Variants in GABRB1 observed in about 807,000 individuals in gnomAD.
GABRB1 encodes the protein gamma-aminobutyric acid type A receptor subunit beta1.
Under a neutral mutation model 51.6 loss-of-function variants are expected in GABRB1, and 17 were observed. The ratio of observed to expected loss-of-function variants is 0.33; its 90% CI spans 0.23 to 0.49. The LOEUF is 0.49. Among genes scored for constraint, GABRB1 ranks in the 20% least tolerant of loss-of-function variants. The pLI, the probability that GABRB1 is intolerant of heterozygous loss-of-function variation, is 0.99. For synonymous variants in GABRB1, 247 were observed against 218.9 expected, an observed-to-expected ratio of 1.13 and a Z score of -1.14; for missense variants, 410 against 600.6, an observed-to-expected ratio of 0.68 and a Z score of 3.32.
chr4:47,094,759 AG>A (rs1403660572), intron 3 of GABRB1, among the ~76,000 whole-genome samples: 3 of 148,810 alleles, frequency 2.0e-5, no homozygotes, highest in Non-Finnish European at 4.4e-5. Context: ...ATGAACTTAA[AG>A]GTAAAAAAAA....
intron 4 of GABRB1, among the ~76,000 whole-genome samples, chr4:47,185,085 AT>A (rs1306943047): frequency 1.3e-5 from 2 of 151,822 alleles, no homozygotes; most frequent in Admixed American, 6.6e-5. Context: ...ATTTACTTCT[AT>A]TGTGCCTCAA....
chr4:47,282,614 T>C (rs577271379), intron 4 of GABRB1, among the ~76,000 whole-genome samples: 2 of 152,168 alleles, frequency 1.3e-5, no homozygotes, highest in Non-Finnish European at 2.9e-5. Context: ...GAGATACTTA[T>C]TAATGCTGGT....
At chr4:47,007,254 C>A (rs1014927222) in intron 1 of GABRB1, among the ~76,000 whole-genome samples, 1 of 152,044 alleles carries the variant, frequency 6.6e-6, no homozygotes, top group Non-Finnish European at 1.5e-5. Flanking sequence ...GCAAAGGATG[C>A]TTTATCTGTA....
At chr4:47,325,388 T>C (rs763443862) in intron 5 of GABRB1, among the ~76,000 whole-genome samples, 2 of 149,394 alleles carry the variant, frequency 1.3e-5, no homozygotes, top group African/African-American at 2.5e-5. Context: ...TGAGCTGAGA[T>C]GGCACCATTG....
chr4:47,282,574 C>A (rs1396900518), intron 4 of GABRB1, among the ~76,000 whole-genome samples: 2 of 151,478 alleles, frequency 1.3e-5, no homozygotes, highest in Non-Finnish European at 2.9e-5. Flanking sequence ...AAAAAAAAAA[C>A]AGTAATCTAG....
chr4:47,424,304 T>A (rs1294317675), intron 8 of GABRB1, among the ~76,000 whole-genome samples: 1 of 152,200 alleles, frequency 6.6e-6, no homozygotes, highest in Non-Finnish European at 1.5e-5. Context: ...ACGAGCCAGA[T>A]TGTTAACCGT....
intron 4 of GABRB1, among the ~76,000 whole-genome samples, chr4:47,239,372 A>C (rs2109846005): frequency 6.6e-6 from 1 of 152,186 alleles, no homozygotes. Flanking sequence ...CCTATTAGTG[A>C]ACTTCTTTGG....
chr4:47,231,006 G>T (rs1056912049), intron 4 of GABRB1, among the ~76,000 whole-genome samples: 1 of 152,104 alleles, frequency 6.6e-6, no homozygotes, highest in Non-Finnish European at 1.5e-5. Flanking sequence ...AGGTTTTAAG[G>T]TCTTCTACAC....
intron 3 of GABRB1, among the ~76,000 whole-genome samples, chr4:47,057,691 C>A (rs767276920): frequency 6.6e-5 from 10 of 152,216 alleles, no homozygotes; most frequent in Non-Finnish European, 1.5e-4. Flanking sequence ...ACATTTTCTC[C>A]TCATCTCTTA....
chr4:47,354,785 TG>T (rs764399166), intron 5 of GABRB1, among the ~76,000 whole-genome samples: 236 of 152,062 alleles, frequency 1.6e-3, no homozygotes, highest in Non-Finnish European at 2.6e-3. Context: ...ACTGCAAATT[TG>T]GGGCCTAATT....
intron 4 of GABRB1, among the ~76,000 whole-genome samples, chr4:47,222,367 T>G (rs1024337332): frequency 6.6e-5 from 10 of 152,188 alleles, no homozygotes; most frequent in Non-Finnish European, 4.4e-5. Context: ...CCTGCTTGCC[T>G]GTATTCCTAT....
intron 5 of GABRB1, among the ~76,000 whole-genome samples, chr4:47,347,419 C>G (rs1726142313): frequency 6.6e-6 from 1 of 152,092 alleles, no homozygotes; most frequent in Admixed American, 6.5e-5. Context: ...AAAACACTTT[C>G]TTGAACAGCA....
At chr4:47,200,765 C>T (rs1408200548) in intron 4 of GABRB1, among the ~76,000 whole-genome samples, 1 of 152,156 alleles carries the variant, frequency 6.6e-6, no homozygotes, top group Admixed American at 6.6e-5. Flanking sequence ...AAAGCCACAA[C>T]TTTAGCTCAT....
intron 4 of GABRB1, among the ~76,000 whole-genome samples, chr4:47,252,069 T>A (rs1298477375): frequency 1.3e-5 from 2 of 150,904 alleles, no homozygotes; most frequent in Non-Finnish European, 3.0e-5. Context: ...GGCTGTGGTG[T>A]TCCCGCCACC....
chr4:47,056,846 G>A (rs1560514608), intron 3 of GABRB1, among the ~76,000 whole-genome samples: 1 of 152,188 alleles, frequency 6.6e-6, no homozygotes, highest in Non-Finnish European at 1.5e-5. Flanking sequence ...AGTGGCTCAC[G>A]CCTGTACTCC....
chr4:47,254,749 G>A (rs1182322295), intron 4 of GABRB1, among the ~76,000 whole-genome samples: 2 of 152,084 alleles, frequency 1.3e-5, no homozygotes, highest in African/African-American at 4.8e-5. Flanking sequence ...TATATTGTCA[G>A]CCTCTTTTCT....
At chr4:47,154,221 T>C (rs1025987922) in intron 3 of GABRB1, among the ~76,000 whole-genome samples, 38 of 151,726 alleles carry the variant, frequency 2.5e-4, no homozygotes, top group Admixed American at 8.5e-4. Flanking sequence ...CAGGCCATTT[T>C]TCACTGAATG....
Position 47,106,687 on chromosome 4 carries a change from T to C in GABRB1, c.241-54562T>C, listed in dbSNP as rs556483071. Among the ~76,000 whole-genome samples, 19 of 152,146 alleles carry C rather than the reference T, an allele frequency of 1.2e-4. No homozygotes were observed. The East Asian group carries it at 3.1e-3, about 25-fold the overall frequency. ...CATTTCCCTCTCTCCCCTCATCCTC[T>C]TCTCTCTATCTTTCTTGCATGAGGA... On this transcript the variant is annotated intron_variant, in intron 3 of 8. Transcript: ENST00000295454.
chr4:47,117,557 A>G (rs1715558594), intron 3 of GABRB1, among the ~76,000 whole-genome samples: 1 of 152,194 alleles, frequency 6.6e-6, no homozygotes, highest in Admixed American at 6.5e-5. Flanking sequence ...GAGCTCAGGG[A>G]AAACAATAGT....
Sources: allele counts gnomAD v4.1 joint callset (sites outside exome capture counted in the v4.1 genomes callset), GRCh38; gene constraint gnomAD v4.1.1; transcripts MANE v1.5; gene names NCBI Gene and HGNC (gene_info 2026-07-23, HGNC 2026-07-21).